The following SLX4 variants were observed in gnomAD, a reference collection of about 807,000 sequenced individuals.
SLX4 encodes SLX4 structure-specific endonuclease subunit, also known as structure-specific endonuclease subunit SLX4.
A neutral mutation model predicts 146.2 loss-of-function variants in SLX4; 112 were observed. The ratio of observed to expected loss-of-function variants is 0.77; its 90% CI spans 0.66 to 0.90. The LOEUF is 0.90. SLX4 is among the 40% of genes least tolerant of loss of function. The pLI is 0.00. For missense variants in SLX4, 2,563 were observed against 2,392.7 expected (o/e 1.07, Z -1.49); for synonymous variants, 1,061 against 997.7 (o/e 1.06, Z -1.20).
rs559488659 is a variant in SLX4, at chr16:3,610,602, C to T, written c.-603+958G>A. On this transcript the variant is annotated intron_variant, in intron 1 of 14. Transcript: ENST00000294008. The stretch of plus-strand genomic sequence containing the variant: ...CTAAAGCCAGTTCAGGAACAGCTTT[C>T]ACAGTGGCAGGGCTGGGATCAAACC... Among the ~76,000 whole-genome samples the T allele has an allele frequency of 3.3e-5, 5 of 152,358 alleles. No individual in the cohort carries two copies. In the East Asian group the frequency reaches 9.6e-4, roughly 29 times the overall value.
intron 12 of SLX4, among the ~76,000 whole-genome samples, chr16:3,587,326 A>T (rs111824896): frequency 0.084 from 12,805 of 152,024 alleles, 602 homozygotes; most frequent in African/African-American, 0.13. Flanking sequence ...GTGAAACCCG[A>T]CTCTACTAAA....
intron 13 of SLX4, among the ~76,000 whole-genome samples, chr16:3,584,022 A>T (rs1324901329): frequency 1.3e-5 from 2 of 151,724 alleles, no homozygotes; most frequent in Non-Finnish European, 2.9e-5. Context: ...TAAACAAAAG[A>T]TATGCTGCTC....
intron 4 of SLX4, chr16:3,601,519 C>G: frequency 2.5e-6 from 1 of 399,674 alleles, no homozygotes; most frequent in East Asian, 5.7e-5. Context: ...GCAGCTCTAT[C>G]CACAATCCCA....
chr16:3,599,407 C>T (rs1475418049), intron 5 of SLX4, among the ~76,000 whole-genome samples: 1 of 152,364 alleles, frequency 6.6e-6, no homozygotes, highest in African/African-American at 2.4e-5. Flanking sequence ...CTAGCGTCCT[C>T]AGCAGCAGGG....
intron 3 of SLX4, among the ~76,000 whole-genome samples, chr16:3,605,763 A>C (rs923254235): frequency 4.7e-5 from 7 of 149,416 alleles, no homozygotes; most frequent in African/African-American, 9.9e-5. Flanking sequence ...CTGGCTAACA[A>C]GGTGAAACCT....
chr16:3,597,700 A>G lies in SLX4; in HGVS notation c.1367-5T>C. ...TCTTCTTGCGACTTTTATTCTCTAG[A>G]GAGAAACAAAAGCGACACCATCAAC... On this transcript the variant is annotated splice_polypyrimidine_tract_variant and splice_region_variant and intron_variant, in intron 6 of 14. Transcript: ENST00000294008. This position sits in a 1 kb window ranked among gnomAD's most constrained non-coding sequence, Gnocchi z 4.4. 6.2e-7 allele frequency: 1 copy of G among 1,613,944 alleles called. No individual in the cohort carries two copies. The highest frequency in any genetic ancestry group is 8.5e-7 in the Non-Finnish European group (1 of 1,179,990).
Position 3,595,282 on chromosome 16 carries a change from C to T in SLX4, c.2013+323G>A, listed in dbSNP as rs573664579. The stretch of plus-strand genomic sequence containing the variant: ...AGAGCGTGCCTGGATGGGGCAACCG[C>T]GCTGAGAAACTGTGGTCCCTCTACA... On this transcript the variant is annotated intron_variant, in intron 9 of 14. Coordinates refer to ENST00000294008, the MANE Select transcript of SLX4 (RefSeq NM_032444.4). Among the ~76,000 whole-genome samples, 17 of 152,322 alleles carry T rather than the reference C, an allele frequency of 1.1e-4. No homozygotes were observed. The South Asian group carries it at 3.3e-3, about 30-fold the overall frequency.
intron 13 of SLX4, among the ~76,000 whole-genome samples, 187 bp downstream of exon 13, chr16:3,584,582 G>A (rs1007241425): frequency 1.1e-4 from 16 of 152,138 alleles, no homozygotes; most frequent in East Asian, 1.9e-4. Flanking sequence ...GGCTCACCCC[G>A]GCACCCAGCA....
Position 3,597,902 on chromosome 16 carries a change from G to T in SLX4, c.1261C>A (p.Leu421Met). ...RKVDEAPSEDLLVAMALSRSE... is the reference protein window; with the variant it reads ...RKVDEAPSEDMLVAMALSRSE... Reference sequence around the variant, plus strand: ...CGGGACAGAGCCATGGCCACCAGCAGGTCCTCGGACGGTGCCTCGTCCACC... The same window carrying T: ...CGGGACAGAGCCATGGCCACCAGCATGTCCTCGGACGGTGCCTCGTCCACC... Residue 421 changes from leucine to methionine, a missense_variant, in exon 6 of 15, where the codon CTG becomes ATG. Transcript: ENST00000294008. This position sits in a 1 kb window ranked among gnomAD's most constrained non-coding sequence, Gnocchi z 4.4. The T allele has an allele frequency of 6.2e-7, 1 of 1,614,146 alleles. No homozygotes were observed. The highest frequency in any genetic ancestry group is 8.5e-7 in the Non-Finnish European group (1 of 1,180,038).
chr16:3,591,590 C>T, intron 11 of SLX4, among the ~76,000 whole-genome samples: 1 of 152,172 alleles, frequency 6.6e-6, no homozygotes, highest in East Asian at 1.9e-4. Context: ...CAGGGATTGG[C>T]AGAGCTACAA....
intron 4 of SLX4, 172 bp from the exon 5 acceptor site, chr16:3,601,363 T>A: frequency 1.5e-6 from 1 of 670,848 alleles, no homozygotes; most frequent in Admixed American, 2.4e-5. Context: ...GACACTACAC[T>A]TAGGTATCTG....
At chr16:3,588,871 C>G (rs1240169847) in intron 12 of SLX4, 131 bp downstream of exon 12, 1 of 1,134,744 alleles carries the variant, frequency 8.8e-7, no homozygotes, top group Admixed American at 1.7e-5. Context: ...TGGAAGGCAG[C>G]GGAAGTGTCA....
In SLX4 at chr16:3,589,542, G is replaced by T; in HGVS notation, c.4096C>A (p.Arg1366Ser). The change falls in exon 12 of 15, where the codon CGC becomes AGC. Residue 1366 changes from arginine (R) to serine (S), a missense_variant. By Grantham distance (110) the Arg-to-Ser change is moderately radical. Coordinates refer to ENST00000294008, the MANE Select transcript of SLX4 (RefSeq NM_032444.4). The surrounding 1 kb of genome is among the most constrained non-coding windows in gnomAD (Gnocchi z 6.2). Reference protein sequence around the residue: ...PLAPHPISGDRAHFSRRFLKH... With the variant: ...PLAPHPISGDSAHFSRRFLKH... ...AGGAACCGCCTGCTGAAGTGGGCGC[G>T]GTCCCCTGAGATGGGATGTGGAGCC... 6.2e-7 allele frequency: 1 copy of T among 1,610,320 alleles called. No homozygotes were observed. Among genetic ancestry groups the T allele is most frequent in the Non-Finnish European group, 8.5e-7 (1 of 1,177,670 alleles).
rs57664740 is a variant in SLX4 at position 3,608,099 on chromosome 16, TG to T, written c.535+330del. On this transcript the variant is annotated intron_variant, in intron 2 of 14. Coordinates refer to ENST00000294008, the MANE Select transcript of SLX4 (RefSeq NM_032444.4). ...CTCTGAGAGGCTGAGGCACGAGGAT[TG>T]CTTGAGTCCAGGAGTTCAAGACCAG... Among the ~76,000 whole-genome samples the T allele has an allele frequency of 9.3e-3, 1,414 of 152,322 alleles. 21 individuals are homozygous for T. Among genetic ancestry groups the T allele is most frequent in the African/African-American group, 0.033 (1,354 of 41,556 alleles).
At chr16:3,600,794 C>A in intron 5 of SLX4, 185 bp downstream of exon 5, 2 of 612,988 alleles carry the variant, frequency 3.3e-6, no homozygotes, top group South Asian at 1.9e-5. Context: ...CGAGATTGTA[C>A]CATGTCGGCC....
Position 3,601,544 on chromosome 16 carries a change from T to C in SLX4, c.951-353A>G, listed in dbSNP as rs973442792. The C allele has an allele frequency of 8.2e-6, 3 of 368,060 alleles. No individual in the cohort carries two copies. The Admixed American group carries it at 1.2e-4, about 15-fold the overall frequency. 22.8% of individuals were successfully genotyped at this position (368,060 alleles called of 1,614,324 possible). On this transcript the variant is annotated intron_variant, in intron 4 of 14. Transcript: ENST00000294008. ...CCACAATCCCAAAGGGTAGAAATGC[T>C]CCAAATGTCCGCCAATGGACGAAAG...
intron 2 of SLX4, among the ~76,000 whole-genome samples, chr16:3,607,760 A>C (rs1006697102): frequency 6.6e-6 from 1 of 152,238 alleles, no homozygotes; most frequent in Non-Finnish European, 1.5e-5. Context: ...AGAGAAAGAA[A>C]GAACCTGAAG....
intron 5 of SLX4, among the ~76,000 whole-genome samples, chr16:3,599,143 C>T (rs1490652762): frequency 6.6e-6 from 1 of 152,154 alleles, no homozygotes; most frequent in African/African-American, 2.4e-5. Context: ...GCTTAGATGA[C>T]GTCTATTCTA....
chr16:3,591,360 T>A (rs769579768), intron 11 of SLX4, 50 bp from the exon 12 acceptor site: 1 of 1,602,074 alleles, frequency 6.2e-7, no homozygotes, highest in Non-Finnish European at 8.5e-7. Context: ...GGAGATGGGC[T>A]CTGGGTGCCC....
Sources: gnomAD v4.1 joint callset for allele counts (sites outside exome capture counted in the v4.1 genomes callset) on GRCh38, gnomAD v4.1.1 for gene constraint, Gnocchi (gnomAD v3.1) non-coding constraint, MANE v1.5 for transcripts, NCBI Gene and HGNC (gene_info 2026-07-23, HGNC 2026-07-21) for gene names.